PIWIL4: variants seen among roughly 807,000 people sequenced by gnomAD.
PIWIL4 encodes piwi like RNA-mediated gene silencing 4.
A neutral mutation model predicts 100.9 loss-of-function variants in PIWIL4; 50 were observed. The observed-to-expected ratio is 0.50, with a 90% CI of 0.39 to 0.63. PIWIL4 has a LOEUF of 0.63. PIWIL4 is among the 20% of genes least tolerant of loss of function. The pLI is 0.00. For synonymous variants in PIWIL4, 342 were observed against 367.5 expected (o/e 0.93, Z 0.79); for missense variants, 887 against 1,043.3 (o/e 0.85, Z 2.06).
intron 8 of PIWIL4, among the ~76,000 whole-genome samples, chr11:94,592,304 A>G (rs10437563): frequency 0.12 from 18,888 of 152,218 alleles, 1,666 homozygotes; most frequent in African/African-American, 0.24. Context: ...CTCTTTCATC[A>G]GTTTGTTGTG....
At chr11:94,576,027 G>C (rs1375067880) in intron 3 of PIWIL4, among the ~76,000 whole-genome samples, 1 of 152,210 alleles carries the variant, frequency 6.6e-6, no homozygotes, top group African/African-American at 2.4e-5. Context: ...GGTTGAAGCT[G>C]AGGAAATACT....
chr11:94,579,405 C>T (rs1248416496), intron 4 of PIWIL4, among the ~76,000 whole-genome samples: 1 of 150,538 alleles, frequency 6.6e-6, no homozygotes, highest in African/African-American at 2.5e-5. Flanking sequence ...AACAATGTTA[C>T]AATTACTACA....
Position 94,575,079 on chromosome 11 carries a change from T to A in PIWIL4, c.247T>A (p.Leu83Met), listed in dbSNP as rs769584063. ...GAAAAACAAACAGGACTTTATGGAT[T>A]TGAGTATCTGTACCAGAGAAAAATT... ...GVKNKQDFMDLSICTREKLAH... is the reference protein window; with the variant it reads ...GVKNKQDFMDMSICTREKLAH... The change falls in exon 3 of 20, where the codon TTG becomes ATG. Residue 83 changes from leucine (L) to methionine (M), a missense_variant. Leu to Met is a conservative substitution (Grantham distance 15). Coordinates refer to ENST00000299001, the MANE Select transcript of PIWIL4 (RefSeq NM_152431.3). The A allele has an allele frequency of 1.2e-6, 2 of 1,613,986 alleles. No individual in the cohort carries two copies. The highest frequency in any genetic ancestry group is 4.5e-5 in the East Asian group (2 of 44,842).
chr11:94,610,774 A>C (rs951381204), intron 15 of PIWIL4, among the ~76,000 whole-genome samples: 2 of 151,954 alleles, frequency 1.3e-5, no homozygotes, highest in African/African-American at 4.8e-5. Flanking sequence ...GTTGCTTTTC[A>C]TTTTGTTAAT....
chr11:94,598,586 CAT>C (rs1031800500), intron 11 of PIWIL4, among the ~76,000 whole-genome samples: 4 of 151,960 alleles, frequency 2.6e-5, no homozygotes, highest in African/African-American at 4.8e-5. Flanking sequence ...ACACCAGTCA[CAT>C]GTCATGTTTA....
At chr11:94,589,099 A>G (rs1287390093) in intron 7 of PIWIL4, 22 bp from the exon 8 acceptor site, 1 of 1,552,764 alleles carries the variant, frequency 6.4e-7, no homozygotes, top group African/African-American at 1.4e-5. Flanking sequence ...AAAACAATTT[A>G]AAGACTTTTT....
chr11:94,577,498 G>C lies in PIWIL4; in HGVS notation c.513+6G>C. ...CACAAAAGCTAGAAGAAAAGGTATAGTATGATTAGTTTTTTTACTGTATAT... is the reference window on the plus strand; with the variant it reads ...CACAAAAGCTAGAAGAAAAGGTATACTATGATTAGTTTTTTTACTGTATAT... On this transcript the variant is annotated splice_donor_region_variant and intron_variant, in intron 4 of 19. Transcript: ENST00000299001. The C allele has an allele frequency of 1.2e-6, 2 of 1,604,606 alleles. No homozygotes were observed. Among genetic ancestry groups the C allele is most frequent in the South Asian group, 2.2e-5 (2 of 90,472 alleles).
intron 14 of PIWIL4, 28 bp downstream of exon 14, chr11:94,607,667 T>C (rs747413159): frequency 6.4e-7 from 1 of 1,569,894 alleles, no homozygotes; most frequent in Non-Finnish European, 8.7e-7. Context: ...TTTTTTCTAT[T>C]AGTAATTAAT....
Position 94,577,269 on chromosome 11 carries a change from C to A in PIWIL4, c.299-9C>A, listed in dbSNP as rs767596066. The A allele has an allele frequency of 3.8e-6, 6 of 1,599,132 alleles. No homozygotes were observed. Among genetic ancestry groups the A allele is most frequent in the South Asian group, 3.4e-5 (3 of 89,406 alleles). On this transcript the variant is annotated splice_polypyrimidine_tract_variant and intron_variant, in intron 3 of 19. Transcript: ENST00000299001. ...GATTAAAAAATTGTTTTTTGTTTGTCTTCTTCAGGTTCCAGTGGAATACCT... is the reference window on the plus strand; with the variant it reads ...GATTAAAAAATTGTTTTTTGTTTGTATTCTTCAGGTTCCAGTGGAATACCT...
At chr11:94,601,490 G>A (rs1948640509) in intron 11 of PIWIL4, among the ~76,000 whole-genome samples, 1 of 152,210 alleles carries the variant, frequency 6.6e-6, no homozygotes, top group Non-Finnish European at 1.5e-5. Context: ...ACTCAGAGCT[G>A]GAAGGGAACC....
intron 16 of PIWIL4, among the ~76,000 whole-genome samples, chr11:94,617,609 AT>A (rs1187664263): frequency 3.9e-5 from 6 of 152,308 alleles, no homozygotes; most frequent in Admixed American, 2.6e-4. Flanking sequence ...TAATTAGAGG[AT>A]TTAAAGACTT....
intron 2 of PIWIL4, 83 bp from the exon 3 acceptor site, chr11:94,574,916 G>A (rs932464532): frequency 1.1e-5 from 15 of 1,366,306 alleles, no homozygotes; most frequent in Non-Finnish European, 1.4e-5. Flanking sequence ...AGTTTGGATT[G>A]CAATGCATTT....
intron 2 of PIWIL4, among the ~76,000 whole-genome samples, chr11:94,571,374 G>A (rs910582715): frequency 5.3e-4 from 80 of 152,206 alleles, no homozygotes; most frequent in African/African-American, 1.8e-3. Flanking sequence ...CCATGTTGGT[G>A]TGCTGCACCC....
intron 4 of PIWIL4, among the ~76,000 whole-genome samples, chr11:94,578,949 A>T (rs955916444): frequency 6.6e-6 from 1 of 152,162 alleles, no homozygotes. Context: ...CTAAAAAAAG[A>T]CTTCCTAATT....
chr11:94,609,916 G>C (rs918451217), intron 15 of PIWIL4, among the ~76,000 whole-genome samples: 15 of 151,708 alleles, frequency 9.9e-5, no homozygotes, highest in African/African-American at 3.6e-4. Flanking sequence ...TACTCTCTTA[G>C]CAAATTTCAA....
intron 10 of PIWIL4, among the ~76,000 whole-genome samples, chr11:94,596,087 G>A (rs1948554847): frequency 1.3e-5 from 2 of 151,932 alleles, no homozygotes; most frequent in African/African-American, 4.8e-5. Flanking sequence ...AATCTATTGG[G>A]TTAAATAGGT....
At chr11:94,574,669 A>G (rs997100128) in intron 2 of PIWIL4, among the ~76,000 whole-genome samples, 1 of 152,054 alleles carries the variant, frequency 6.6e-6, no homozygotes, top group Non-Finnish European at 1.5e-5. Context: ...TTTGGTAGAG[A>G]CAGGGTTTCA....
At chr11:94,586,625 G>A (rs975180249) in intron 6 of PIWIL4, among the ~76,000 whole-genome samples, 9 of 152,060 alleles carry the variant, frequency 5.9e-5, no homozygotes, top group Admixed American at 1.3e-4. Context: ...CTATAGTTAC[G>A]GTTTTCAGGC....
intron 16 of PIWIL4, 132 bp from the exon 17 acceptor site, chr11:94,617,822 C>A: frequency 4.4e-6 from 4 of 903,596 alleles, no homozygotes; most frequent in South Asian, 1.6e-5. Context: ...AAATATAACC[C>A]AAATTATGTA....
Sources: gnomAD v4.1 joint callset for allele counts (sites outside exome capture counted in the v4.1 genomes callset) on GRCh38, gnomAD v4.1.1 for gene constraint, MANE v1.5 for transcripts, NCBI Gene and HGNC (gene_info 2026-07-23, HGNC 2026-07-21) for gene names.